FGD4: variants seen among roughly 807,000 people sequenced by gnomAD.
The protein encoded by FGD4 is FYVE, RhoGEF and PH domain containing 4.
In FGD4, 42 loss-of-function variants were observed where a neutral mutation model predicts 102.0. The observed-to-expected ratio is 0.41, with a 90% confidence interval of 0.32 to 0.53. The LOEUF is 0.53. FGD4 is among the 20% of genes least tolerant of loss of function. FGD4 has a pLI of 0.21. For missense variants in FGD4, 902 were observed against 1,078.2 expected (o/e 0.84, Z 2.29); for synonymous variants, 380 against 375.7 (o/e 1.01, Z -0.13).
chr12:32,444,885 A>G (rs1051623676), intron 1 of FGD4, among the ~76,000 whole-genome samples: 2 of 152,206 alleles, frequency 1.3e-5, no homozygotes, highest in African/African-American at 4.8e-5. Context: ...CTTTCTACCA[A>G]ATTGTGTAAT....
chr12:32,453,189 TTA>T (rs1338336775), intron 1 of FGD4, among the ~76,000 whole-genome samples: 960 of 94,382 alleles, frequency 0.01, 15 homozygotes, highest in African/African-American at 0.031. Flanking sequence ...TATATATATT[TTA>T]TATATATATT....
At chr12:32,486,197 G>T in intron 1 of FGD4, 1 of 1,500,514 alleles carries the variant, frequency 6.7e-7, no homozygotes, top group Non-Finnish European at 8.9e-7. Context: ...TAAAACATTT[G>T]GATTTTTTCA....
chr12:32,453,394 T>A (rs1375392723), intron 1 of FGD4, among the ~76,000 whole-genome samples: 1 of 151,610 alleles, frequency 6.6e-6, no homozygotes, highest in Admixed American at 6.6e-5. Context: ...CCATCATGCC[T>A]GACTAATTTT....
chr12:32,611,384 G>A (rs1176245227), intron 10 of FGD4, 101 bp downstream of exon 10: 2 of 1,372,388 alleles, frequency 1.5e-6, no homozygotes, highest in Non-Finnish European at 2.0e-6. Context: ...GGGAGGCCGA[G>A]GCGAGTGGAT....
chr12:32,444,698 C>T (rs780155660), intron 1 of FGD4, among the ~76,000 whole-genome samples: 79 of 152,184 alleles, frequency 5.2e-4, no homozygotes, highest in Non-Finnish European at 1.0e-3. Context: ...AGCCACTGCG[C>T]ATGGCCTAAG....
intron 1 of FGD4, among the ~76,000 whole-genome samples, chr12:32,501,571 A>G (rs971828563): frequency 9.8e-5 from 15 of 152,332 alleles, no homozygotes; most frequent in African/African-American, 3.6e-4. Flanking sequence ...GCCTCTCCCC[A>G]CAAAGTTCAA....
At chr12:32,515,538 A>G (rs963632645) in intron 1 of FGD4, among the ~76,000 whole-genome samples, 2 of 152,282 alleles carry the variant, frequency 1.3e-5, no homozygotes, top group Non-Finnish European at 2.9e-5. Context: ...CTGAGTTACA[A>G]TCAACAATAA....
chr12:32,474,087 C>CAA (rs34520473), intron 1 of FGD4, among the ~76,000 whole-genome samples: 364 of 133,016 alleles, frequency 2.7e-3, no homozygotes, highest in Non-Finnish European at 3.6e-3. Flanking sequence ...GACTCTGTCT[C>CAA]AAAAAAAAAA....
intron 15 of FGD4, among the ~76,000 whole-genome samples, chr12:32,638,210 A>G (rs1303589730): frequency 6.6e-6 from 1 of 152,106 alleles, no homozygotes; most frequent in African/African-American, 2.4e-5. Flanking sequence ...AAAAATTTAA[A>G]AATTCTCTCC....
intron 1 of FGD4, among the ~76,000 whole-genome samples, chr12:32,404,142 A>G (rs1263574454): frequency 6.8e-6 from 1 of 146,276 alleles, no homozygotes; most frequent in Non-Finnish European, 1.5e-5. Flanking sequence ...GAGCTCAGCC[A>G]TGCATTTGTT....
intron 1 of FGD4, among the ~76,000 whole-genome samples, chr12:32,493,962 A>C (rs1027733278): frequency 9.2e-5 from 14 of 152,342 alleles, no homozygotes; most frequent in Admixed American, 2.6e-4. Flanking sequence ...AACAAGAGGA[A>C]GATCTGGAAG....
In FGD4 at chr12:32,461,670, A is replaced by C. The variant is rs912375058; in HGVS notation, c.166+61711A>C. 9.2e-5 allele frequency among the ~76,000 whole-genome samples: 14 copies of C among 152,260 alleles called. No individual in the cohort carries two copies. In the South Asian group the frequency reaches 1.5e-3, roughly 16 times the overall value. Reference sequence around the variant, plus strand: ...TAAGTCTCTGCTGTGCTCTGTTCCCACAGTTTATGCCCTTTGCCTTGTGAC... The same window carrying C: ...TAAGTCTCTGCTGTGCTCTGTTCCCCCAGTTTATGCCCTTTGCCTTGTGAC... On this transcript the variant is annotated intron_variant, in intron 1 of 16. Coordinates refer to ENST00000534526, the MANE Select transcript of FGD4 (RefSeq NM_001370298.3).
intron 1 of FGD4, among the ~76,000 whole-genome samples, chr12:32,508,511 T>G (rs1939022539): frequency 6.6e-6 from 1 of 152,194 alleles, no homozygotes; most frequent in South Asian, 2.1e-4. Context: ...ATTTAGATTC[T>G]AAAGCCAGCA....
At chr12:32,535,934 C>T (rs1942211605) in intron 1 of FGD4, among the ~76,000 whole-genome samples, 1 of 152,158 alleles carries the variant, frequency 6.6e-6, no homozygotes, top group Admixed American at 6.5e-5. Context: ...GCCACTACAA[C>T]AATATGGACT....
chr12:32,619,614 A>G lies in FGD4; in HGVS notation c.1750-84A>G, dbSNP rs1047271060. 31 of 1,471,664 alleles carry G rather than the reference A, an allele frequency of 2.1e-5. No homozygotes were observed. The African/African-American group carries it at 4.2e-4, about 20-fold the overall frequency. 91.2% of individuals were successfully genotyped at this position (1,471,664 alleles called of 1,614,324 possible). ...ACTATTACACTCCAGCCTGGGCAAC[A>G]GAGTGAGACTCTGTCTCAAAAAAAA... is the stretch of plus-strand genomic sequence containing the variant. On this transcript the variant is annotated intron_variant, in intron 10 of 16. Coordinates refer to ENST00000534526, the MANE Select transcript of FGD4 (RefSeq NM_001370298.3).
chr12:32,466,500 T>C (rs1237531878), intron 1 of FGD4, among the ~76,000 whole-genome samples: 3 of 152,106 alleles, frequency 2.0e-5, no homozygotes, highest in African/African-American at 7.2e-5. Context: ...ACTCACCTTA[T>C]GGAGGGCAGT....
At chr12:32,524,372 G>C (rs1398898237) in intron 1 of FGD4, among the ~76,000 whole-genome samples, 3 of 145,760 alleles carry the variant, frequency 2.1e-5, no homozygotes, top group African/African-American at 7.8e-5. Flanking sequence ...CTCCAGCCTG[G>C]GCGACAGAGG....
At chr12:32,550,025 C>T (rs2136185891) in intron 1 of FGD4, among the ~76,000 whole-genome samples, 1 of 152,258 alleles carries the variant, frequency 6.6e-6, no homozygotes, top group East Asian at 1.9e-4. Context: ...TTCCCAGCTG[C>T]AGTCGGCTGG....
At position 32,642,975 on chromosome 12, in the gene FGD4, T is replaced by C. The variant is rs1951237535; in HGVS notation, c.*2442T>C. On this transcript the variant is annotated 3_prime_UTR_variant, in exon 17 of 17. Coordinates refer to ENST00000534526, the MANE Select transcript of FGD4 (RefSeq NM_001370298.3). ...AGTCATGACAACCTAAAAATATCATTGGTTGCTTTCCCATTAAAACCAACG... is the reference window on the plus strand; with the variant it reads ...AGTCATGACAACCTAAAAATATCATCGGTTGCTTTCCCATTAAAACCAACG... 6.6e-6 allele frequency: 1 copy of C among 152,550 alleles called. No individual in the cohort carries two copies. Among genetic ancestry groups the C allele is most frequent in the Non-Finnish European group, 1.5e-5 (1 of 67,952 alleles). The allele number at this position is 152,550 out of a possible 1,614,324, so 9.4% of individuals were successfully genotyped here. A position where few individuals can be genotyped will look rare whatever the true frequency, so the allele number is the denominator to read the frequency against.
Sources: allele counts gnomAD v4.1 joint callset (sites outside exome capture counted in the v4.1 genomes callset), GRCh38; gene constraint gnomAD v4.1.1; transcripts MANE v1.5; gene names NCBI Gene and HGNC (gene_info 2026-07-23, HGNC 2026-07-21).